Variants in NCAM2 observed in about 807,000 individuals in gnomAD.
NCAM2 encodes neural cell adhesion molecule 2.
A neutral mutation model predicts 98.1 loss-of-function variants in NCAM2; 30 were observed. The ratio of observed to expected loss-of-function variants is 0.31; its 90% CI spans 0.23 to 0.41. NCAM2 has a LOEUF of 0.41. Ranked by LOEUF, NCAM2 falls within the 10% of genes least tolerant of loss-of-function variation. The probability of loss-of-function intolerance (pLI) is 1.00; values close to 1 mark genes in which losing one functional copy is unlikely to be tolerated. For missense variants in NCAM2, 867 were observed against 1,005.8 expected (o/e 0.86, Z 1.87); for synonymous variants, 368 against 342.4 (o/e 1.07, Z -0.83).
intron 1 of NCAM2, among the ~76,000 whole-genome samples, chr21:21,085,712 G>A (rs559803076): frequency 2.0e-4 from 30 of 152,206 alleles, no homozygotes; most frequent in African/African-American, 6.3e-4. Context: ...CCAACAATGA[G>A]TAAAGATTAG....
intron 1 of NCAM2, among the ~76,000 whole-genome samples, chr21:21,125,714 T>TATAAAG (rs1555887746): frequency 1.5e-5 from 2 of 134,404 alleles, no homozygotes; most frequent in African/African-American, 5.4e-5. Context: ...TATATATATA[T>TATAAAG]AGAGAGAGAG....
At position 21,539,314 on chromosome 21, in the gene NCAM2, G is replaced by A. The variant is rs1990137723; in HGVS notation, c.*1357G>A. 1 of 152,150 alleles carries A rather than the reference G, an allele frequency of 6.6e-6. No homozygotes were observed. Among genetic ancestry groups the A allele is most frequent in the African/African-American group, 2.4e-5 (1 of 41,436 alleles). 9.4% of individuals were successfully genotyped at this position (152,150 alleles called of 1,614,324 possible). A position where few individuals can be genotyped will look rare whatever the true frequency, so the allele number is the denominator to read the frequency against. On this transcript the variant is annotated 3_prime_UTR_variant, in exon 18 of 18. Coordinates refer to ENST00000400546, the MANE Select transcript of NCAM2 (RefSeq NM_004540.5). ...TAAACATACATACCATTTGGGAGCA[G>A]GTTTATTAACCTTGAGAGCCAAAGG... is the stretch of plus-strand genomic sequence containing the variant.
At chr21:21,348,809 A>C (rs771441412) in intron 8 of NCAM2, among the ~76,000 whole-genome samples, 8 of 152,158 alleles carry the variant, frequency 5.3e-5, no homozygotes, top group African/African-American at 1.2e-4. Flanking sequence ...CATTTTCAAC[A>C]AAAGTGCCAA....
At chr21:21,295,444 A>G (rs113819709) in intron 5 of NCAM2, among the ~76,000 whole-genome samples, 2 of 151,940 alleles carry the variant, frequency 1.3e-5, no homozygotes, top group African/African-American at 2.4e-5. Context: ...TTATACACCA[A>G]TGCCTTTGAT....
In NCAM2 at chr21:21,338,368, T is replaced by C. The variant is rs1353649866; in HGVS notation, c.899-21T>C. 2.5e-6 allele frequency: 4 copies of C among 1,597,848 alleles called. No individual in the cohort carries two copies. In the East Asian group the frequency reaches 9.0e-5, roughly 36 times the overall value. ...ATATTTTCCTCCAATACCGGTTGAGTAATATATATATTCTTTACAGTACAG... is the reference window on the plus strand; with the variant it reads ...ATATTTTCCTCCAATACCGGTTGAGCAATATATATATTCTTTACAGTACAG... On this transcript the variant is annotated intron_variant, in intron 7 of 17. Transcript: ENST00000400546.
chr21:21,360,748 C>G (rs1462245669), intron 8 of NCAM2, among the ~76,000 whole-genome samples: 1 of 151,716 alleles, frequency 6.6e-6, no homozygotes, highest in Non-Finnish European at 1.5e-5. Flanking sequence ...CTTTTCTCCT[C>G]TTTCTCCACA....
At chr21:21,457,886 A>C (rs754303607) in intron 12 of NCAM2, among the ~76,000 whole-genome samples, 1 of 152,186 alleles carries the variant, frequency 6.6e-6, no homozygotes, top group Non-Finnish European at 1.5e-5. Flanking sequence ...TTTTGTAACA[A>C]ATGAGAAAAA....
intron 12 of NCAM2, among the ~76,000 whole-genome samples, chr21:21,434,110 C>T (rs1332914711): frequency 6.6e-6 from 1 of 152,148 alleles, no homozygotes; most frequent in Non-Finnish European, 1.5e-5. Context: ...CTTACCTGTC[C>T]ATCTGTCAGA....
chr21:21,130,500 C>G (rs1277355271), intron 1 of NCAM2, among the ~76,000 whole-genome samples: 1 of 152,034 alleles, frequency 6.6e-6, no homozygotes, highest in Middle Eastern at 3.4e-3. Flanking sequence ...AACATTTTCC[C>G]GAATGTAAAA....
intron 1 of NCAM2, among the ~76,000 whole-genome samples, chr21:21,016,324 C>T (rs142834503): frequency 5.1e-4 from 77 of 152,266 alleles, no homozygotes; most frequent in African/African-American, 1.8e-3. Context: ...CCATTTTTGA[C>T]AAAGAATGCA....
rs1205748271 is a variant in NCAM2, at chr21:21,259,861, A to T, written c.56-20717A>T. 2.0e-5 allele frequency among the ~76,000 whole-genome samples: 3 copies of T among 151,680 alleles called. No homozygotes were observed. In the East Asian group the frequency reaches 5.8e-4, roughly 29 times the overall value. On this transcript the variant is annotated intron_variant, in intron 1 of 17. Coordinates refer to ENST00000400546, the MANE Select transcript of NCAM2 (RefSeq NM_004540.5). The stretch of plus-strand genomic sequence containing the variant: ...ACCATACACAACATAAATCACAGTC[A>T]TACCCTCAAGGAACAAAATAATTTT...
At chr21:21,115,679 T>G (rs773415293) in intron 1 of NCAM2, among the ~76,000 whole-genome samples, 3 of 152,214 alleles carry the variant, frequency 2.0e-5, no homozygotes, top group Non-Finnish European at 2.9e-5. Context: ...TTTTATATAC[T>G]TCTATACTCT....
At chr21:21,509,202 C>A in intron 16 of NCAM2, 147 bp downstream of exon 16, 1 of 673,516 alleles carries the variant, frequency 1.5e-6, no homozygotes, top group Non-Finnish European at 2.5e-6. Context: ...GCTCTCTGAC[C>A]TTGAAACTAT....
intron 1 of NCAM2, among the ~76,000 whole-genome samples, chr21:21,076,126 A>T (rs993692316): frequency 6.6e-6 from 1 of 151,922 alleles, no homozygotes; most frequent in Non-Finnish European, 1.5e-5. Flanking sequence ...CAAAAAAAAA[A>T]AAAAGAATAT....
chr21:21,175,981 C>G (rs1299848101), intron 1 of NCAM2, among the ~76,000 whole-genome samples: 1 of 152,112 alleles, frequency 6.6e-6, no homozygotes, highest in Non-Finnish European at 1.5e-5. Flanking sequence ...ACAGAAATGC[C>G]TGCATTAACT....
At chr21:21,062,288 T>C (rs1445563320) in intron 1 of NCAM2, among the ~76,000 whole-genome samples, 3 of 152,178 alleles carry the variant, frequency 2.0e-5, no homozygotes, top group African/African-American at 7.2e-5. Context: ...TCAAAGTATT[T>C]TGTAGTCGTT....
At chr21:21,375,393 T>C (rs1206064149) in intron 9 of NCAM2, among the ~76,000 whole-genome samples, 1 of 151,614 alleles carries the variant, frequency 6.6e-6, no homozygotes, top group Non-Finnish European at 1.5e-5. Context: ...GCAACTTGAT[T>C]CTGACACAAA....
intron 1 of NCAM2, among the ~76,000 whole-genome samples, chr21:21,140,151 G>T (rs2067136830): frequency 6.6e-6 from 1 of 152,134 alleles, no homozygotes; most frequent in South Asian, 2.1e-4. Flanking sequence ...CCATTTTTAA[G>T]TCATTACAAT....
intron 5 of NCAM2, among the ~76,000 whole-genome samples, chr21:21,306,616 C>T (rs916638454): frequency 3.9e-5 from 6 of 152,020 alleles, no homozygotes; most frequent in African/African-American, 1.2e-4. Flanking sequence ...TTTTCTGATA[C>T]AAGGATGCAA....
Sources: allele counts gnomAD v4.1 joint callset (sites outside exome capture counted in the v4.1 genomes callset), GRCh38; gene constraint gnomAD v4.1.1; transcripts MANE v1.5; gene names NCBI Gene and HGNC (gene_info 2026-07-23, HGNC 2026-07-21).